PER2: variants seen among roughly 807,000 people sequenced by gnomAD.
PER2 encodes the protein period circadian protein homolog 2.
Under a neutral mutation model 121.0 loss-of-function variants are expected in PER2, and 66 were observed. The ratio of observed to expected loss-of-function variants is 0.55; its 90% CI spans 0.45 to 0.67. The LOEUF (loss-of-function observed/expected upper bound fraction) is 0.67. Among genes scored for constraint, PER2 ranks in the 30% least tolerant of loss-of-function variants. The probability of loss-of-function intolerance (pLI) is 0.00; values close to 1 mark genes in which losing one functional copy is unlikely to be tolerated. For missense variants in PER2, 1,521 were observed against 1,635.0 expected (o/e 0.93, Z 1.20); for synonymous variants, 684 against 659.9 (o/e 1.04, Z -0.56).
At chr2:238,287,099 G>C (rs757540691) in intron 1 of PER2, among the ~76,000 whole-genome samples, 1 of 152,200 alleles carries the variant, frequency 6.6e-6, no homozygotes, top group Admixed American at 6.5e-5. Context: ...GCCAGCAGCA[G>C]CCAGCTGGCT....
chr2:238,256,575 C>T (rs1375340126), intron 17 of PER2, among the ~76,000 whole-genome samples: 1 of 152,236 alleles, frequency 6.6e-6, no homozygotes, highest in African/African-American at 2.4e-5. Context: ...GAGGAAAGAA[C>T]CCCAGGCCTG....
intron 22 of PER2, among the ~76,000 whole-genome samples, chr2:238,247,000 ATAAC>A (rs1695468107): frequency 1.3e-5 from 2 of 152,206 alleles, no homozygotes; most frequent in South Asian, 4.2e-4. Flanking sequence ...GAGAGAGACA[ATAAC>A]TAAGAAGGGC....
chr2:238,252,360 C>T lies in PER2; in HGVS notation c.3111+552G>A, dbSNP rs574105158. On this transcript the variant is annotated intron_variant, in intron 19 of 22. Coordinates refer to ENST00000254657, the MANE Select transcript of PER2 (RefSeq NM_022817.3). The surrounding 1 kb of genome is among the most constrained non-coding windows in gnomAD (Gnocchi z 4.2). ...TACGGACTGCACTGCTGCTGGCGTT[C>T]CCACACACTTGAGCTCGTTCAGAAA... 2.0e-5 allele frequency among the ~76,000 whole-genome samples: 3 copies of T among 152,364 alleles called. No homozygotes were observed. In the South Asian group the frequency reaches 6.2e-4, roughly 32 times the overall value.
In PER2 at chr2:238,253,449, C is replaced by T. The variant is rs1359855961; in HGVS notation, c.2574G>A (p.Val858=). The part of the protein sequence containing the change: ...APVPAAYSLP[V]FPAPGTVAAP... ...CTGCCACAGTCCCTGGCGCTGGAAA[C>T]ACGGGCAGTGAATAAGCTGCTGGCA... Residue 858 remains valine (V), a synonymous_variant, in exon 19 of 23, where the codon GTG becomes GTA. Transcript: ENST00000254657. The surrounding 1 kb of genome is among the most constrained non-coding windows in gnomAD (Gnocchi z 5.6). 8.7e-6 allele frequency: 14 copies of T among 1,612,840 alleles called. No homozygotes were observed. The highest frequency in any genetic ancestry group is 1.1e-5 in the Non-Finnish European group (13 of 1,179,298).
intron 9 of PER2, among the ~76,000 whole-genome samples, chr2:238,263,610 C>T (rs575161176): frequency 3.3e-5 from 5 of 152,224 alleles, no homozygotes; most frequent in South Asian, 4.2e-4. Context: ...CATTGCAGGA[C>T]GGAGCTGAAC....
At chr2:238,249,359 C>A (rs1197362399) in intron 21 of PER2, 147 bp from the exon 22 acceptor site, 6 of 739,364 alleles carry the variant, frequency 8.1e-6, no homozygotes, top group Middle Eastern at 3.8e-4. Context: ...GTAACTTAAT[C>A]TCCCTAGTAA....
At chr2:238,262,814 C>A (rs931257725) in intron 10 of PER2, 138 bp downstream of exon 10, 1 of 696,480 alleles carries the variant, frequency 1.4e-6, no homozygotes, top group Non-Finnish European at 2.6e-6. Flanking sequence ...AGGAGGGAGG[C>A]GGCGAGGCGG....
chr2:238,278,759 T>G (rs553065521), intron 1 of PER2, among the ~76,000 whole-genome samples: 1 of 152,218 alleles, frequency 6.6e-6, no homozygotes, highest in East Asian at 1.9e-4. Context: ...CAGAGGGGCC[T>G]GGCAGGTGTG....
Position 238,268,055 on chromosome 2 carries a change from C to T in PER2, c.967+1G>A. ...GCCCTCGCCCTGGGCTTGGCTGTTA[C>T]CTTCATAACCAGAGTGCACTCTCTC... is the stretch of plus-strand genomic sequence containing the variant. On this transcript the variant is annotated splice_donor_variant, in intron 8 of 22. Coordinates refer to ENST00000254657, the MANE Select transcript of PER2 (RefSeq NM_022817.3). LOFTEE classifies it high-confidence loss of function. This position sits in a 1 kb window ranked among gnomAD's most constrained non-coding sequence, Gnocchi z 4.0. The T allele has an allele frequency of 1.9e-6, 3 of 1,613,864 alleles. No individual in the cohort carries two copies. Among genetic ancestry groups the T allele is most frequent in the Non-Finnish European group, 2.5e-6 (3 of 1,179,998 alleles).
Position 238,245,305 on chromosome 2 carries a change from C to G in PER2, c.*1070G>C. Reference sequence around the variant, plus strand: ...ACACTGGCAGAGGCCTGAAGCTGCTCCGAGAGAGGTCGGGCTCATGAAAAG... The same window carrying G: ...ACACTGGCAGAGGCCTGAAGCTGCTGCGAGAGAGGTCGGGCTCATGAAAAG... On this transcript the variant is annotated 3_prime_UTR_variant, in exon 23 of 23. Coordinates refer to ENST00000254657, the MANE Select transcript of PER2 (RefSeq NM_022817.3). 1 of 342,618 alleles carries G rather than the reference C, an allele frequency of 2.9e-6. No individual in the cohort carries two copies. Among genetic ancestry groups the G allele is most frequent in the Non-Finnish European group, 5.2e-6 (1 of 190,658 alleles). 21.2% of individuals were successfully genotyped at this position (342,618 alleles called of 1,614,324 possible). A position where few individuals can be genotyped will look rare whatever the true frequency, so the allele number is the denominator to read the frequency against.
rs527924956 is a variant in PER2 at position 238,275,092 on chromosome 2, G to A, written c.448+651C>T. On this transcript the variant is annotated intron_variant, in intron 4 of 22. Transcript: ENST00000254657. ...CTAACTGTACACTGTGCTTTGAAAC[G>A]ACTGATAATAGAATACAGCTACTGC... is the stretch of plus-strand genomic sequence containing the variant. Among the ~76,000 whole-genome samples, 13 of 152,320 alleles carry A rather than the reference G, an allele frequency of 8.5e-5. No homozygotes were observed. The South Asian group carries it at 1.9e-3, about 22-fold the overall frequency.
chr2:238,255,422 C>A, intron 18 of PER2: 1 of 596,236 alleles, frequency 1.7e-6, no homozygotes. Flanking sequence ...TTCTTCCCAC[C>A]TCGGGCACTA....
intron 18 of PER2, chr2:238,254,065 G>T (rs1317035883): frequency 2.8e-5 from 8 of 290,908 alleles, no homozygotes; most frequent in Non-Finnish European, 5.2e-5. Context: ...CCAGTATTTG[G>T]GGGAAAAATT....
In PER2 at chr2:238,246,848, C is replaced by A. The variant is rs975697829; in HGVS notation, c.3619-324G>T. On this transcript the variant is annotated intron_variant, in intron 22 of 22. Coordinates refer to ENST00000254657, the MANE Select transcript of PER2 (RefSeq NM_022817.3). ...CGGAGATCACGCTACTGTGCTCCAGCCTGGGCGACAGAGTGAGACTCTGTC... is the reference window on the plus strand; with the variant it reads ...CGGAGATCACGCTACTGTGCTCCAGACTGGGCGACAGAGTGAGACTCTGTC... Among the ~76,000 whole-genome samples the A allele has an allele frequency of 3.9e-5, 6 of 152,178 alleles. No homozygotes were observed. In the East Asian group the frequency reaches 1.2e-3, roughly 29 times the overall value.
In PER2 at chr2:238,277,786, GC is replaced by G. The variant is rs1696501175; in HGVS notation, c.150del (p.Arg51GlyfsTer33). On this transcript the variant is annotated frameshift_variant, in exon 2 of 23. Transcript: ENST00000254657. LOFTEE classifies it high-confidence loss of function. ...TCACAGTCACTGCCCTGCGAGTCCCGCCCCGTGGAGCAGTTTTCGTTGGTCT... is the reference window on the plus strand; with the variant it reads ...TCACAGTCACTGCCCTGCGAGTCCCGCCCGTGGAGCAGTTTTCGTTGGTCT... Reference protein sequence around the residue: ...GHETNENCSTGRDSQGSDCDD... With the variant: ...GHETNENCSTXRDSQGSDCDD... 6.2e-7 allele frequency: 1 copy of G among 1,614,072 alleles called. No individual in the cohort carries two copies. The highest frequency in any genetic ancestry group is 2.2e-5 in the East Asian group (1 of 44,880).
intron 10 of PER2, 148 bp from the exon 11 acceptor site, chr2:238,262,492 C>T: frequency 1.4e-6 from 1 of 727,880 alleles, no homozygotes; most frequent in South Asian, 1.7e-5. Flanking sequence ...CTTTCAACCT[C>T]CTGTTTTTGC....
chr2:238,251,486 T>G (rs1341344606), intron 20 of PER2, 113 bp downstream of exon 20: 14 of 946,680 alleles, frequency 1.5e-5, no homozygotes, highest in Non-Finnish European at 2.2e-5. Context: ...TGACAGCTGC[T>G]TGGGGAGTGC....
In PER2 at chr2:238,265,544, T is replaced by C. The variant is rs147407371; in HGVS notation, c.1014A>G (p.Thr338=). ...CCACATCCTGGAACAAACAATTTGG[T>C]GTATGGGTGGTTGTAAAAATTCTCT... ...PEKRIFTTTH[T]PNCLFQDVDE... Residue 338 remains threonine (T), a synonymous_variant, in exon 9 of 23, where the codon ACA becomes ACG. Transcript: ENST00000254657. 1.7e-5 allele frequency: 27 copies of C among 1,611,628 alleles called. No homozygotes were observed. In the African/African-American group the frequency reaches 3.5e-4, roughly 21 times the overall value.
In PER2 at chr2:238,249,079, C is replaced by T. The variant is rs566173372; in HGVS notation, c.3601G>A (p.Ala1201Thr). Reference protein sequence around the residue: ...HQWMQTGGLPAAIDVAECVYC... With the variant: ...HQWMQTGGLPTAIDVAECVYC... The stretch of plus-strand genomic sequence containing the variant: ...GAGCTTACTGCCACGTCGATGGCTG[C>T]GGGCAGGCCGCCCGTCTGCATCCAC... Residue 1201 changes from alanine to threonine, a missense_variant, in exon 22 of 23, where the codon GCA (alanine) becomes ACA (threonine). Physicochemically the swap from Ala to Thr is moderately conservative, Grantham distance 58. Transcript: ENST00000254657. 6 of 1,614,108 alleles carry T rather than the reference C, an allele frequency of 3.7e-6. No homozygotes were observed. Among genetic ancestry groups the T allele is most frequent in the South Asian group, 3.3e-5 (3 of 91,090 alleles).
Sources: gnomAD v4.1 joint callset for allele counts (sites outside exome capture counted in the v4.1 genomes callset) on GRCh38, gnomAD v4.1.1 for gene constraint, Gnocchi (gnomAD v3.1) non-coding constraint, MANE v1.5 for transcripts, NCBI Gene and HGNC (gene_info 2026-07-23, HGNC 2026-07-21) for gene names.